The following CELF2 variants were observed in gnomAD, a reference collection of about 807,000 sequenced individuals.
The protein encoded by CELF2 is CUGBP Elav-like family member 2, also known as CUG triplet repeat RNA-binding protein 2.
In CELF2, 8 loss-of-function variants were observed where a neutral mutation model predicts 62.6. That is an observed-to-expected ratio of 0.13 (90% CI 0.07 to 0.23). The LOEUF (loss-of-function observed/expected upper bound fraction) is 0.23, where lower values mean the gene tolerates loss of function less well. Among genes scored for constraint, CELF2 ranks in the 10% least tolerant of loss-of-function variants. The probability of loss-of-function intolerance (pLI) is 1.00; values close to 1 mark genes in which losing one functional copy is unlikely to be tolerated. For synonymous variants in CELF2, 258 were observed against 250.0 expected (o/e 1.03, Z -0.30); for missense variants, 333 against 671.0 (o/e 0.50, Z 5.56).
At chr10:11,176,281 T>C (rs972949210) in intron 2 of CELF2, among the ~76,000 whole-genome samples, 1 of 152,164 alleles carries the variant, frequency 6.6e-6, no homozygotes, top group Non-Finnish European at 1.5e-5. Flanking sequence ...GGTTCTCCAT[T>C]AAATCCAAGG....
At chr10:10,590,468 A>C in the CELF2 span, among the ~76,000 whole-genome samples, 1 of 152,226 alleles carries the variant, frequency 6.6e-6, no homozygotes, top group East Asian at 1.9e-4. Context: ...AATAAAAGGC[A>C]CAATTTTCAG....
In CELF2 at chr10:11,011,265, C is replaced by G. The variant is rs1368978193; in HGVS notation, c.53+5825C>G. 3.3e-5 allele frequency: 5 copies of G among 151,898 alleles called. No individual in the cohort carries two copies. Among genetic ancestry groups the G allele is most frequent in the African/African-American group, 1.2e-4 (5 of 41,322 alleles). 9.4% of individuals were successfully genotyped at this position (151,898 alleles called of 1,614,324 possible). A position where few individuals can be genotyped will look rare whatever the true frequency, so the allele number is the denominator to read the frequency against. ...GCAAGTAACAAACATACATGCAGTG[C>G]TCAATGAAAGACATAGTCTGGGGCC... On this transcript the variant is annotated intron_variant, in intron 1 of 12. Coordinates refer to the CELF2 transcript ENST00000416382. The surrounding 1 kb of genome is among the most constrained non-coding windows in gnomAD (Gnocchi z 4.6).
the CELF2 span, among the ~76,000 whole-genome samples, chr10:10,550,039 C>T: frequency 6.6e-6 from 1 of 152,148 alleles, no homozygotes; most frequent in Non-Finnish European, 1.5e-5. Context: ...ACTCCCTGCA[C>T]AATTGAAAAT....
At chr10:11,282,915 C>T (rs545679642) in intron 8 of CELF2, among the ~76,000 whole-genome samples, 1 of 152,198 alleles carries the variant, frequency 6.6e-6, no homozygotes, top group Admixed American at 6.5e-5. Flanking sequence ...CCTGCCTCAC[C>T]TCTGGTGTAC....
chr10:10,849,661 A>G (rs780779992), intron 1 of CELF2, among the ~76,000 whole-genome samples: 26 of 152,150 alleles, frequency 1.7e-4, no homozygotes, highest in Admixed American at 4.6e-4. Flanking sequence ...AAATCAGGAA[A>G]TTAACATGTT....
At chr10:10,896,868 C>A (rs2062592146) in intron 1 of CELF2, among the ~76,000 whole-genome samples, 1 of 152,178 alleles carries the variant, frequency 6.6e-6, no homozygotes, top group Admixed American at 6.5e-5. Flanking sequence ...TAAACCCATT[C>A]TGAAGTTGAA....
In CELF2 at chr10:11,321,247, G is replaced by A; in HGVS notation, c.1155G>A (p.Leu385=). The change falls in exon 11 of 13, where the codon TTG becomes TTA. Residue 385 remains leucine (L), a synonymous_variant. Coordinates refer to ENST00000633077, the MANE Select transcript of CELF2 (RefSeq NM_001326342.2). The surrounding 1 kb of genome is among the most constrained non-coding windows in gnomAD (Gnocchi z 6.2). The stretch of plus-strand genomic sequence containing the variant: ...ATGGAGGACTTGGCGCCACAGGCTT[G>A]ACGAATGGCACGGCTGGCACCATGG... ...ALNGGLGATG[L]TNGTAGTMDA... The A allele has an allele frequency of 6.2e-7, 1 of 1,614,104 alleles. No individual in the cohort carries two copies. Among genetic ancestry groups the A allele is most frequent in the Non-Finnish European group, 8.5e-7 (1 of 1,180,034 alleles).
chr10:11,250,640 A>T (rs552184453), intron 4 of CELF2, among the ~76,000 whole-genome samples: 56 of 152,194 alleles, frequency 3.7e-4, no homozygotes, highest in Non-Finnish European at 3.4e-4. Flanking sequence ...ACCCCAAGAG[A>T]CTGTGTCTCT....
At chr10:11,143,669 A>G (rs559979071) in intron 1 of CELF2, among the ~76,000 whole-genome samples, 1 of 152,228 alleles carries the variant, frequency 6.6e-6, no homozygotes, top group African/African-American at 2.4e-5. Context: ...GTGCCCTGCA[A>G]TATTTTATGC....
the CELF2 span, among the ~76,000 whole-genome samples, chr10:10,617,534 C>G: frequency 6.6e-6 from 1 of 152,076 alleles, no homozygotes; most frequent in Non-Finnish European, 1.5e-5. Flanking sequence ...AGAGAGGGTG[C>G]CTAGCACATT....
chr10:11,212,159 C>A (rs971017245), intron 2 of CELF2, among the ~76,000 whole-genome samples: 5 of 152,160 alleles, frequency 3.3e-5, no homozygotes, highest in Non-Finnish European at 7.3e-5. Context: ...GCTAAACTTA[C>A]CAATTTCAGG....
Position 11,330,677 on chromosome 10 carries a change from G to T in CELF2, c.*1624G>T, listed in dbSNP as rs1285499183. The T allele has an allele frequency of 1.3e-5, 2 of 152,574 alleles. No homozygotes were observed. Among genetic ancestry groups the T allele is most frequent in the Non-Finnish European group, 2.9e-5 (2 of 68,026 alleles). 9.5% of individuals were successfully genotyped at this position (152,574 alleles called of 1,614,324 possible). On this transcript the variant is annotated 3_prime_UTR_variant, in exon 13 of 13. Coordinates refer to ENST00000633077, the MANE Select transcript of CELF2 (RefSeq NM_001326342.2). This position sits in a 1 kb window ranked among gnomAD's most constrained non-coding sequence, Gnocchi z 4.5. ...ATGTGAAAAACATTGCTGCATTCATGCAAGACTGAAATTTATTATTAGACA... is the reference window on the plus strand; with the variant it reads ...ATGTGAAAAACATTGCTGCATTCATTCAAGACTGAAATTTATTATTAGACA...
At chr10:10,579,479 T>A in the CELF2 span, among the ~76,000 whole-genome samples, 1 of 152,120 alleles carries the variant, frequency 6.6e-6, no homozygotes, top group Non-Finnish European at 1.5e-5. Context: ...TAAGACACAT[T>A]TCTCACTGAG....
chr10:10,819,300 C>T (rs7098466), intron 1 of CELF2, among the ~76,000 whole-genome samples: 72,086 of 151,910 alleles, frequency 0.47, 17,598 homozygotes, highest in African/African-American at 0.59. Flanking sequence ...TGATGTTGAT[C>T]GAAAGGGAAC....
At chr10:11,005,132 T>C (rs1772700099), upstream of CELF2, 7 of 985,116 alleles carry the variant, frequency 7.1e-6, no homozygotes, top group East Asian at 1.1e-4. This position sits in a 1 kb window ranked among gnomAD's most constrained non-coding sequence, Gnocchi z 4.3. Flanking sequence ...ATTAGTGTAA[T>C]AATATGCATA....
chr10:11,147,371 C>G (rs753434364), intron 1 of CELF2, among the ~76,000 whole-genome samples: 2 of 151,916 alleles, frequency 1.3e-5, no homozygotes, highest in African/African-American at 4.8e-5. Context: ...TCAAATGGGT[C>G]GCATTTTAGT....
rs1451680655 is a variant in CELF2, at chr10:11,011,319, A to C, written c.53+5879A>C. ...AGCAACTCACAGCACTCATGGAACA[A>C]AGAGTAGACAGTGAATGAGGAGGGG... On this transcript the variant is annotated intron_variant, in intron 1 of 12. Transcript: ENST00000416382. This position sits in a 1 kb window ranked among gnomAD's most constrained non-coding sequence, Gnocchi z 4.6. Among the ~76,000 whole-genome samples the C allele has an allele frequency of 1.3e-5, 2 of 152,022 alleles. No individual in the cohort carries two copies. Among genetic ancestry groups the C allele is most frequent in the Non-Finnish European group, 2.9e-5 (2 of 67,992 alleles).
chr10:11,260,965 A>T lies in CELF2; in HGVS notation c.538+3093A>T, dbSNP rs1402229938. On this transcript the variant is annotated intron_variant, in intron 5 of 12. Transcript: ENST00000633077. This position sits in a 1 kb window ranked among gnomAD's most constrained non-coding sequence, Gnocchi z 4.2. ...ATTAGTGGCACTGCAGATAAAGGGCATTCAGCATTTCTGTTCTCAGCGTCT... is the reference window on the plus strand; with the variant it reads ...ATTAGTGGCACTGCAGATAAAGGGCTTTCAGCATTTCTGTTCTCAGCGTCT... 6.6e-6 allele frequency among the ~76,000 whole-genome samples: 1 copy of T among 152,246 alleles called. No homozygotes were observed. Among genetic ancestry groups the T allele is most frequent in the African/African-American group, 2.4e-5 (1 of 41,458 alleles).
At chr10:10,744,291 A>C in the CELF2 span, among the ~76,000 whole-genome samples, 1 of 152,246 alleles carries the variant, frequency 6.6e-6, no homozygotes, top group Non-Finnish European at 1.5e-5. Context: ...AAATGCATAT[A>C]ATTTCAGTGC....
Sources: allele counts gnomAD v4.1 joint callset (sites outside exome capture counted in the v4.1 genomes callset), GRCh38; gene constraint gnomAD v4.1.1; non-coding constraint Gnocchi (gnomAD v3.1); transcripts MANE v1.5; gene names NCBI Gene and HGNC (gene_info 2026-07-23, HGNC 2026-07-21).